Variants in DCC observed in about 807,000 individuals in gnomAD.
DCC encodes the protein netrin receptor DCC.
Under a neutral mutation model 172.5 loss-of-function variants are expected in DCC, and 58 were observed. The observed-to-expected ratio is 0.34, with a 90% CI of 0.27 to 0.42. The LOEUF (loss-of-function observed/expected upper bound fraction) is 0.42. Among genes scored for constraint, DCC ranks in the 10% least tolerant of loss-of-function variants. The probability of loss-of-function intolerance (pLI) is 1.00; values close to 1 mark genes in which losing one functional copy is unlikely to be tolerated. For missense variants in DCC, 1,740 were observed against 1,791.0 expected, an observed-to-expected ratio of 0.97 and a Z score of 0.51; for synonymous variants, 709 against 644.5, an observed-to-expected ratio of 1.10 and a Z score of -1.52.
chr18:53,457,636 G>A (rs2045499948), intron 23 of DCC, among the ~76,000 whole-genome samples: 1 of 152,178 alleles, frequency 6.6e-6, no homozygotes, highest in Non-Finnish European at 1.5e-5. Flanking sequence ...CTGTGTGTGA[G>A]TTGCAGATCA....
At chr18:53,274,186 G>A (rs955277103) in intron 12 of DCC, among the ~76,000 whole-genome samples, 9 of 152,006 alleles carry the variant, frequency 5.9e-5, no homozygotes, top group Non-Finnish European at 7.4e-5. Context: ...AAGTACATTC[G>A]TAACTTAAAC....
intron 1 of DCC, among the ~76,000 whole-genome samples, chr18:52,433,317 T>A (rs1357238995): frequency 6.6e-6 from 1 of 152,196 alleles, no homozygotes; most frequent in Non-Finnish European, 1.5e-5. Context: ...AGTACTCACA[T>A]TGCTTTCATA....
At chr18:52,917,132 G>GAAA in intron 3 of DCC, among the ~76,000 whole-genome samples, 1 of 81,314 alleles carries the variant, frequency 1.2e-5, no homozygotes, top group Non-Finnish European at 2.6e-5. Flanking sequence ...AAAAAAAAAA[G>GAAA]AAAACAAAAA....
intron 1 of DCC, among the ~76,000 whole-genome samples, chr18:52,400,216 G>C (rs930124612): frequency 6.6e-6 from 1 of 151,866 alleles, no homozygotes; most frequent in Non-Finnish European, 1.5e-5. Context: ...CAATTCATAA[G>C]GGTAGCAAGG....
chr18:53,269,021 G>C (rs907381295), intron 12 of DCC, among the ~76,000 whole-genome samples: 8 of 152,140 alleles, frequency 5.3e-5, no homozygotes, highest in Non-Finnish European at 7.4e-5. Flanking sequence ...GTCTCAGCAG[G>C]AAAGGCATCT....
intron 9 of DCC, among the ~76,000 whole-genome samples, chr18:53,181,892 G>A (rs914162267): frequency 2.6e-5 from 4 of 152,118 alleles, no homozygotes; most frequent in Admixed American, 1.3e-4. Context: ...GACCTGTGAT[G>A]GCTGCAGCAT....
At chr18:53,101,928 T>C (rs1274668460) in intron 7 of DCC, among the ~76,000 whole-genome samples, 1 of 152,070 alleles carries the variant, frequency 6.6e-6, no homozygotes, top group Non-Finnish European at 1.5e-5. Flanking sequence ...CCTGAGCCTG[T>C]AATTACTTCA....
At chr18:53,366,182 G>C (rs746267922) in intron 15 of DCC, among the ~76,000 whole-genome samples, 6 of 151,888 alleles carry the variant, frequency 4.0e-5, no homozygotes, top group Non-Finnish European at 7.4e-5. Flanking sequence ...TCAACCTCCT[G>C]AGTAGCTGGG....
chr18:52,415,061 GCTTTGTATGA>G (rs1986972402), intron 1 of DCC, among the ~76,000 whole-genome samples: 1 of 152,174 alleles, frequency 6.6e-6, no homozygotes, highest in Non-Finnish European at 1.5e-5. Flanking sequence ...TTCCCTGAAT[GCTTTGTATGA>G]CTTTGCCAGA....
At chr18:52,728,973 A>G (rs2036595032) in intron 1 of DCC, among the ~76,000 whole-genome samples, 1 of 152,196 alleles carries the variant, frequency 6.6e-6, no homozygotes, top group African/African-American at 2.4e-5. Context: ...ATCAAAAAGC[A>G]TGTACCTCTA....
intron 12 of DCC, among the ~76,000 whole-genome samples, chr18:53,300,018 A>G (rs1004134247): frequency 6.6e-6 from 1 of 152,214 alleles, no homozygotes; most frequent in African/African-American, 2.4e-5. Flanking sequence ...AGTGGTGCTT[A>G]ATTTATCACA....
chr18:52,592,591 T>TAA (rs2033823080), intron 1 of DCC, among the ~76,000 whole-genome samples: 1 of 152,216 alleles, frequency 6.6e-6, no homozygotes, highest in Admixed American at 6.5e-5. Flanking sequence ...TATGCAGAAT[T>TAA]AAACCTCTTT....
At chr18:52,822,128 A>G (rs1229729928) in intron 2 of DCC, among the ~76,000 whole-genome samples, 1 of 152,224 alleles carries the variant, frequency 6.6e-6, no homozygotes, top group Non-Finnish European at 1.5e-5. Context: ...ACTTAGGATA[A>G]GTAAGCATAT....
chr18:53,068,784 T>A (rs1381027343), intron 7 of DCC, among the ~76,000 whole-genome samples: 1 of 151,128 alleles, frequency 6.6e-6, no homozygotes, highest in Non-Finnish European at 1.5e-5. Flanking sequence ...TGTGTGTGTG[T>A]GTGTGTGTGT....
intron 1 of DCC, among the ~76,000 whole-genome samples, chr18:52,501,019 G>T (rs1598868675): frequency 6.6e-6 from 1 of 152,064 alleles, no homozygotes; most frequent in South Asian, 2.1e-4. Context: ...AATTATAGTA[G>T]TATCCACTGG....
chr18:52,398,559 A>G (rs1341806442), intron 1 of DCC, among the ~76,000 whole-genome samples: 1 of 151,960 alleles, frequency 6.6e-6, no homozygotes, highest in Non-Finnish European at 1.5e-5. Flanking sequence ...AACATCCACT[A>G]TGCATAGTGC....
intron 7 of DCC, among the ~76,000 whole-genome samples, chr18:53,084,981 C>G (rs1322850455): frequency 6.6e-6 from 1 of 152,048 alleles, no homozygotes; most frequent in Non-Finnish European, 1.5e-5. Flanking sequence ...TGATATTTCA[C>G]AAGAAGAATT....
At chr18:52,440,874 T>C (rs765463226) in intron 1 of DCC, among the ~76,000 whole-genome samples, 69 of 152,192 alleles carry the variant, frequency 4.5e-4, no homozygotes, top group Non-Finnish European at 7.5e-4. Flanking sequence ...AGGAGAATCA[T>C]CCTCTGTATG....
chr18:53,000,271 A>G (rs1481832791), intron 5 of DCC, among the ~76,000 whole-genome samples: 1 of 152,076 alleles, frequency 6.6e-6, no homozygotes, highest in African/African-American at 2.4e-5. Flanking sequence ...AATGAAATGA[A>G]TTGAAATTGA....
Sources: gnomAD v4.1 joint callset for allele counts (sites outside exome capture counted in the v4.1 genomes callset) on GRCh38, gnomAD v4.1.1 for gene constraint, MANE v1.5 for transcripts, NCBI Gene and HGNC (gene_info 2026-07-23, HGNC 2026-07-21) for gene names.